Variants in GPHN observed in about 807,000 individuals in gnomAD.
GPHN encodes the protein gephyrin.
A neutral mutation model predicts 95.5 loss-of-function variants in GPHN; 17 were observed. That is an observed-to-expected ratio of 0.18 (90% CI 0.12 to 0.27). GPHN has a LOEUF of 0.27. Ranked by LOEUF, GPHN falls within the 10% of genes least tolerant of loss-of-function variation. GPHN has a pLI of 1.00. For synonymous variants in GPHN, 320 were observed against 322.5 expected (o/e 0.99, Z 0.08); for missense variants, 660 against 978.1 (o/e 0.67, Z 4.34).
chr14:67,570,930 G>T, the GPHN span: 3 of 152,054 alleles, frequency 2.0e-5, no homozygotes, highest in Non-Finnish European at 2.9e-5. Flanking sequence ...CACCATGTTG[G>T]CCAGGATGGT....
At chr14:66,856,657 A>G (rs1173775528) in intron 4 of GPHN, among the ~76,000 whole-genome samples, 2 of 152,138 alleles carry the variant, frequency 1.3e-5, no homozygotes, top group African/African-American at 4.8e-5. Context: ...GTGGAATAAA[A>G]ATAACAAGGA....
intron 8 of GPHN, among the ~76,000 whole-genome samples, chr14:66,955,031 A>G (rs1170440478): frequency 6.6e-6 from 1 of 152,170 alleles, no homozygotes; most frequent in Non-Finnish European, 1.5e-5. Flanking sequence ...TGTTAAGGAT[A>G]CTTGCATCTA....
intron 8 of GPHN, among the ~76,000 whole-genome samples, chr14:66,945,489 G>A (rs1458515139): frequency 6.6e-6 from 1 of 152,098 alleles, no homozygotes; most frequent in Non-Finnish European, 1.5e-5. Context: ...GTGTGGGAGG[G>A]GGTTGAGTGA....
chr14:67,563,441 T>C, the GPHN span, among the ~76,000 whole-genome samples: 110 of 141,644 alleles, frequency 7.8e-4, 1 homozygote, highest in African/African-American at 2.8e-3. Flanking sequence ...TTTTGGGGGG[T>C]GGGGGTGAGG....
intron 1 of GPHN, among the ~76,000 whole-genome samples, chr14:66,603,795 A>T (rs1320088415): frequency 6.6e-6 from 1 of 151,840 alleles, no homozygotes; most frequent in African/African-American, 2.4e-5. Context: ...TACATAGGTC[A>T]GTTGTAGTTG....
At chr14:67,344,602 G>A in the GPHN span, among the ~76,000 whole-genome samples, 4 of 152,042 alleles carry the variant, frequency 2.6e-5, no homozygotes, top group Non-Finnish European at 4.4e-5. Flanking sequence ...AACTGGGCTG[G>A]GTGAGGTGGC....
the GPHN span, among the ~76,000 whole-genome samples, chr14:67,285,893 G>A: frequency 6.6e-6 from 1 of 152,118 alleles, no homozygotes; most frequent in Non-Finnish European, 1.5e-5. Flanking sequence ...GTGTATGTTT[G>A]TATTCATCTG....
intron 3 of GPHN, among the ~76,000 whole-genome samples, chr14:66,801,522 C>T (rs1219982636): frequency 1.3e-5 from 2 of 151,984 alleles, no homozygotes; most frequent in Admixed American, 6.5e-5. Context: ...CTTCCTTTCT[C>T]CCAAAAAAAA....
chr14:66,645,368 C>G (rs1331734427), intron 1 of GPHN, among the ~76,000 whole-genome samples: 2 of 152,042 alleles, frequency 1.3e-5, no homozygotes, highest in East Asian at 3.8e-4. Flanking sequence ...ACATCTCAGC[C>G]TGTCTCCAGG....
the GPHN span, among the ~76,000 whole-genome samples, chr14:67,527,773 G>A: frequency 3.9e-5 from 6 of 152,342 alleles, no homozygotes; most frequent in South Asian, 1.2e-3. Flanking sequence ...TTTACAGTTA[G>A]GTGAGGCACA....
At chr14:66,827,656 G>A (rs150427655) in intron 4 of GPHN, among the ~76,000 whole-genome samples, 1 of 151,732 alleles carries the variant, frequency 6.6e-6, no homozygotes. Context: ...TTTCTTTTTT[G>A]CATGTAATAC....
intron 1 of GPHN, among the ~76,000 whole-genome samples, chr14:66,546,527 G>T (rs1292459475): frequency 6.6e-6 from 1 of 152,216 alleles, no homozygotes; most frequent in Non-Finnish European, 1.5e-5. Context: ...CCGGCACCTC[G>T]GGAGGCCGAG....
At chr14:66,792,748 A>G (rs1047274232) in intron 3 of GPHN, among the ~76,000 whole-genome samples, 1 of 152,338 alleles carries the variant, frequency 6.6e-6, no homozygotes, top group African/African-American at 2.4e-5. Flanking sequence ...TTAAAGACAC[A>G]CAGAAATATA....
intron 8 of GPHN, among the ~76,000 whole-genome samples, chr14:66,939,882 G>A (rs1050661472): frequency 2.6e-5 from 4 of 152,288 alleles, no homozygotes; most frequent in African/African-American, 4.8e-5. Flanking sequence ...TTGCATGACC[G>A]TTTGGAGGTT....
chr14:67,492,555 G>A, the GPHN span, among the ~76,000 whole-genome samples: 2 of 152,178 alleles, frequency 1.3e-5, no homozygotes, highest in East Asian at 1.9e-4. Flanking sequence ...ACCCTGCCAC[G>A]CTGCACCTTC....
chr14:67,406,177 T>C, the GPHN span, among the ~76,000 whole-genome samples: 1 of 150,156 alleles, frequency 6.7e-6, no homozygotes. Flanking sequence ...AAGAATCACT[T>C]GAACCCAGGA....
chr14:66,968,114 G>A (rs941946223), intron 9 of GPHN, among the ~76,000 whole-genome samples: 3 of 151,654 alleles, frequency 2.0e-5, no homozygotes, highest in Non-Finnish European at 2.9e-5. Flanking sequence ...TTTTAGCACC[G>A]AGCTCTGTTT....
chr14:66,605,862 C>T (rs1204785065), intron 1 of GPHN, among the ~76,000 whole-genome samples: 1 of 151,780 alleles, frequency 6.6e-6, no homozygotes, highest in Non-Finnish European at 1.5e-5. Context: ...TTGTTTTTTG[C>T]TTGTTGATTT....
chr14:67,329,756 C>T, the GPHN span, among the ~76,000 whole-genome samples: 52 of 152,132 alleles, frequency 3.4e-4, no homozygotes, highest in Non-Finnish European at 2.9e-4. Flanking sequence ...GTGGTGCACG[C>T]CTGTGGTACT....
Sources: gnomAD v4.1 joint callset for allele counts (sites outside exome capture counted in the v4.1 genomes callset) on GRCh38, gnomAD v4.1.1 for gene constraint, MANE v1.5 for transcripts, NCBI Gene and HGNC (gene_info 2026-07-23, HGNC 2026-07-21) for gene names.